Variants in RRM1 observed in about 807,000 individuals in gnomAD.
RRM1 encodes the protein ribonucleotide reductase catalytic subunit M1, also known as ribonucleoside-diphosphate reductase large subunit.
In RRM1, 19 loss-of-function variants were observed where a neutral mutation model predicts 101.5. The ratio of observed to expected loss-of-function variants is 0.19; its 90% CI spans 0.13 to 0.27. The LOEUF is 0.27. Among genes scored for constraint, RRM1 ranks in the 10% least tolerant of loss-of-function variants. The pLI, the probability that RRM1 is intolerant of heterozygous loss-of-function variation, is 1.00. For synonymous variants in RRM1, 298 were observed against 323.4 expected (o/e 0.92, Z 0.84); for missense variants, 500 against 962.9 (o/e 0.52, Z 6.36).
At chr11:4,110,402 C>A (rs942495937) in intron 5 of RRM1, among the ~76,000 whole-genome samples, 8 of 152,162 alleles carry the variant, frequency 5.3e-5, no homozygotes. Flanking sequence ...ATCCACCCAC[C>A]TTGGCCTCCC....
Position 4,135,284 on chromosome 11 carries a change from A to G in RRM1, c.2190+14A>G. ...GGCTGGAAGCAGGTTGGTAGAGAATATCAAGGAGTACTTAATTGCCAGCTT... is the reference window on the plus strand; with the variant it reads ...GGCTGGAAGCAGGTTGGTAGAGAATGTCAAGGAGTACTTAATTGCCAGCTT... On this transcript the variant is annotated intron_variant, in intron 18 of 18. Transcript: ENST00000300738. 6.4e-7 allele frequency: 1 copy of G among 1,567,086 alleles called. No individual in the cohort carries two copies. Among genetic ancestry groups the G allele is most frequent in the Non-Finnish European group, 8.7e-7 (1 of 1,150,060 alleles).
In RRM1 at chr11:4,129,244, A is replaced by AT. The variant is rs2094594909; in HGVS notation, c.1769+94_1769+95insT. 7.1e-6 allele frequency: 5 copies of AT among 707,398 alleles called. No homozygotes were observed. In the African/African-American group the frequency reaches 7.2e-5, roughly 10 times the overall value. 43.8% of individuals were successfully genotyped at this position (707,398 alleles called of 1,614,324 possible). ...GTTAGATATGTCATTTTAACTTCTT[A>AT]AACTCATTTATTACAAATGGGGCTA... On this transcript the variant is annotated intron_variant, in intron 15 of 18. Coordinates refer to ENST00000300738, the MANE Select transcript of RRM1 (RefSeq NM_001033.5).
At chr11:4,134,038 AG>A (rs1171732396) in intron 17 of RRM1, among the ~76,000 whole-genome samples, 1 of 124,620 alleles carries the variant, frequency 8.0e-6, no homozygotes, top group Non-Finnish European at 1.6e-5. Flanking sequence ...GCTGGAGTGC[AG>A]TGGTGGAATC....
At position 4,119,853 on chromosome 11, in the gene RRM1, C is replaced by T. The variant is rs1274001598; in HGVS notation, c.801C>T (p.Gly267=). Residue 267 remains glycine (G), a synonymous_variant, in exon 9 of 19, where the codon GGC becomes GGT. Transcript: ENST00000300738. ...CATGGTCTCTCTTTTAGACTAATGGCAATTCCAATGGCCTTGTACCGATGC... is the reference window on the plus strand; with the variant it reads ...CATGGTCTCTCTTTTAGACTAATGGTAATTCCAATGGCCTTGTACCGATGC... ...ATGSYIAGTN[G]NSNGLVPMLR... 2 of 1,596,734 alleles carry T rather than the reference C, an allele frequency of 1.3e-6. No individual in the cohort carries two copies. The highest frequency in any genetic ancestry group is 1.7e-6 in the Non-Finnish European group (2 of 1,165,906).
At position 4,104,240 on chromosome 11, in the gene RRM1, T is replaced by C. The variant is rs545159825; in HGVS notation, c.109-1806T>C. On this transcript the variant is annotated intron_variant, in intron 2 of 18. Transcript: ENST00000300738. ...TATTTAGAAGACTTCACTGCTCTTA[T>C]ACTGAACACACCTTATCTGCTGGAT... Among the ~76,000 whole-genome samples, 19 of 152,362 alleles carry C rather than the reference T, an allele frequency of 1.2e-4. No individual in the cohort carries two copies. In the South Asian group the frequency reaches 3.9e-3, roughly 32 times the overall value.
Position 4,096,353 on chromosome 11 carries a change from G to A in RRM1, c.19+1322G>A, listed in dbSNP as rs147608041. Among the ~76,000 whole-genome samples, 495 of 152,304 alleles carry A rather than the reference G, an allele frequency of 3.3e-3. 2 individuals carry two copies. The highest frequency in any genetic ancestry group is 0.011 in the African/African-American group (471 of 41,566). On this transcript the variant is annotated intron_variant, in intron 1 of 18. Transcript: ENST00000300738. Reference sequence around the variant, plus strand: ...TCACGTTTAGCACAGGACCTGACATGAACAGATTCTTAAAGAATGAATGAA... The same window carrying A: ...TCACGTTTAGCACAGGACCTGACATAAACAGATTCTTAAAGAATGAATGAA...
At chr11:4,117,346 A>G (rs1311116173) in intron 7 of RRM1, among the ~76,000 whole-genome samples, 1 of 152,252 alleles carries the variant, frequency 6.6e-6, no homozygotes, top group Non-Finnish European at 1.5e-5. Flanking sequence ...AAGAATTTTT[A>G]TAGCAGCATT....
chr11:4,105,603 C>T lies in RRM1; in HGVS notation c.109-443C>T, dbSNP rs776153519. On this transcript the variant is annotated intron_variant, in intron 2 of 18. Coordinates refer to ENST00000300738, the MANE Select transcript of RRM1 (RefSeq NM_001033.5). ...CTTTTTTTTTTTTTTTTTTTTGAGA[C>T]AGGGTCTCACTCTGCCACCCAGGCT... 3.5e-3 allele frequency: 889 copies of T among 251,934 alleles called. 3 individuals carry two copies. The highest frequency in any genetic ancestry group is 5.4e-3 in the Non-Finnish European group (723 of 135,064). 15.6% of individuals were successfully genotyped at this position (251,934 alleles called of 1,614,324 possible).
At chr11:4,121,840 T>C in intron 10 of RRM1, 75 bp downstream of exon 10, 1 of 1,416,690 alleles carries the variant, frequency 7.1e-7, no homozygotes. Context: ...TCTTAAGTCA[T>C]GCTTAGGAAG....
At chr11:4,114,410 G>C (rs2094569823) in intron 7 of RRM1, among the ~76,000 whole-genome samples, 1 of 151,336 alleles carries the variant, frequency 6.6e-6, no homozygotes. Context: ...AAATTAGCTG[G>C]GTATGGTGGC....
chr11:4,110,151 TAAA>T lies in RRM1; in HGVS notation c.447+455_447+457del, dbSNP rs370948665. Among the ~76,000 whole-genome samples, 600 of 151,836 alleles carry T rather than the reference TAAA, an allele frequency of 4.0e-3. 3 individuals carry two copies. In the South Asian group the frequency reaches 0.04, roughly 10 times the overall value. On this transcript the variant is annotated intron_variant, in intron 5 of 18. Coordinates refer to ENST00000300738, the MANE Select transcript of RRM1 (RefSeq NM_001033.5). ...ATAAAATTTCAACAACAAATTTAAT[TAAA>T]AAAAAATTTTTTTTTTGAGTCTGTG...
intron 1 of RRM1, among the ~76,000 whole-genome samples, chr11:4,101,564 C>CCCCA (rs1554973353): frequency 8.7e-6 from 1 of 114,778 alleles, no homozygotes. Flanking sequence ...TCCACACCCC[C>CCCCA]CCCCGCTCCC....
At chr11:4,102,218 T>G (rs1282511347) in intron 2 of RRM1, 137 bp downstream of exon 2, 2 of 601,604 alleles carry the variant, frequency 3.3e-6, no homozygotes, top group Admixed American at 3.5e-5. Context: ...TTGAATTCAT[T>G]GCTTAAAACA....
At chr11:4,102,147 C>T (rs1269926495) in intron 2 of RRM1, 66 bp downstream of exon 2, 21 of 834,800 alleles carry the variant, frequency 2.5e-5, no homozygotes, top group Middle Eastern at 4.4e-4. Context: ...TGTCTCTTAT[C>T]CCTGGACCTT....
chr11:4,135,552 T>G (rs1178338669), intron 18 of RRM1, among the ~76,000 whole-genome samples: 1 of 152,206 alleles, frequency 6.6e-6, no homozygotes, highest in African/African-American at 2.4e-5. Flanking sequence ...GTTGTGTTGA[T>G]TGTTCCTTTG....
At chr11:4,125,711 A>G (rs1455213310) in intron 12 of RRM1, among the ~76,000 whole-genome samples, 2 of 152,146 alleles carry the variant, frequency 1.3e-5, no homozygotes, top group African/African-American at 4.8e-5. Flanking sequence ...TAACATTTTC[A>G]ATGAGGTCCT....
chr11:4,131,893 G>A (rs1424694181), intron 15 of RRM1, among the ~76,000 whole-genome samples: 2 of 152,172 alleles, frequency 1.3e-5, no homozygotes, highest in African/African-American at 4.8e-5. Flanking sequence ...GTGAGGGTTG[G>A]ATGAGTGTAA....
rs2094558271 is a variant in RRM1 at position 4,106,353 on chromosome 11, A to G, written c.286+130A>G. ...GTGGCTTACACCTCGAATCCCAGCA[A>G]TTTGGGAGGCCAAGGCAGGCAAATC... On this transcript the variant is annotated intron_variant, in intron 3 of 18. Coordinates refer to ENST00000300738, the MANE Select transcript of RRM1 (RefSeq NM_001033.5). The G allele has an allele frequency of 3.8e-6, 3 of 781,276 alleles. No homozygotes were observed. The South Asian group carries it at 5.0e-5, about 13-fold the overall frequency. The allele number at this position is 781,276 out of a possible 1,614,324, so 48.4% of individuals were successfully genotyped here. A position where few individuals can be genotyped will look rare whatever the true frequency, so the allele number is the denominator to read the frequency against.
Position 4,094,859 on chromosome 11 carries a change from C to T in RRM1, c.-154C>T. On this transcript the variant is annotated 5_prime_UTR_variant, in exon 1 of 19. Transcript: ENST00000300738. ...GGATTTGGATTGTTGCGCCTCTGCTCTGAAGAAAGTGCTGTCTGGCTCCAA... is the reference window on the plus strand; with the variant it reads ...GGATTTGGATTGTTGCGCCTCTGCTTTGAAGAAAGTGCTGTCTGGCTCCAA... 1 of 770,304 alleles carries T rather than the reference C, an allele frequency of 1.3e-6. No individual in the cohort carries two copies. Among genetic ancestry groups the T allele is most frequent in the Non-Finnish European group, 2.2e-6 (1 of 453,814 alleles). The allele number at this position is 770,304 out of a possible 1,614,324, so 47.7% of individuals were successfully genotyped here. A position where few individuals can be genotyped will look rare whatever the true frequency, so the allele number is the denominator to read the frequency against.
Sources: allele counts gnomAD v4.1 joint callset (sites outside exome capture counted in the v4.1 genomes callset), GRCh38; gene constraint gnomAD v4.1.1; transcripts MANE v1.5; gene names NCBI Gene and HGNC (gene_info 2026-07-23, HGNC 2026-07-21).